SBK1: variants seen among roughly 807,000 people sequenced by gnomAD.
SBK1 encodes the protein SH3 domain binding kinase 1, also known as serine/threonine-protein kinase SBK1.
SBK1 carries 11 observed loss-of-function variants against 24.4 expected under a neutral mutation model. The observed-to-expected ratio is 0.45, with a 90% CI of 0.28 to 0.75. The LOEUF (loss-of-function observed/expected upper bound fraction) is 0.75. SBK1 is among the 30% of genes least tolerant of loss of function. SBK1 has a pLI of 0.12. For synonymous variants in SBK1, 308 were observed against 284.4 expected (o/e 1.08, Z -0.83); for missense variants, 467 against 620.5 (o/e 0.75, Z 2.63).
intron 1 of SBK1, among the ~76,000 whole-genome samples, chr16:28,313,967 C>A (rs2141588806): frequency 7.2e-6 from 1 of 138,054 alleles, no homozygotes; most frequent in Non-Finnish European, 1.6e-5. Flanking sequence ...ACCCGCCCGC[C>A]CACCCTTGCT....
chr16:28,312,750 A>C (rs1057478828), intron 1 of SBK1, among the ~76,000 whole-genome samples: 3 of 152,252 alleles, frequency 2.0e-5, no homozygotes, highest in Admixed American at 2.0e-4. Context: ...CTGTAATCCC[A>C]GCACTTTGGG....
chr16:28,311,718 A>C (rs1287056569), intron 1 of SBK1, among the ~76,000 whole-genome samples: 1 of 152,110 alleles, frequency 6.6e-6, no homozygotes, highest in Non-Finnish European at 1.5e-5. Flanking sequence ...AAAAGAATTA[A>C]AGTAAATAAG....
Position 28,293,218 on chromosome 16 carries a change from C to G in SBK1, c.-90C>G. 1.0e-6 allele frequency: 1 copy of G among 985,450 alleles called. No individual in the cohort carries two copies. The highest frequency in any genetic ancestry group is 1.2e-6 in the Non-Finnish European group (1 of 829,942). The allele number at this position is 985,450 out of a possible 1,614,324, so 61.0% of individuals were successfully genotyped here. ...TGCACCCCGGTCCATGGTCGTGGCG[C>G]CCTGAGCCCCCGGGGCCGGGCAGAC... On this transcript the variant is annotated 5_prime_UTR_variant, in exon 1 of 4. Coordinates refer to ENST00000341901, the MANE Select transcript of SBK1 (RefSeq NM_001024401.3).
chr16:28,283,319 G>C (rs909444472), intron 1 of SBK1, among the ~76,000 whole-genome samples: 1 of 152,162 alleles, frequency 6.6e-6, no homozygotes, highest in Non-Finnish European at 1.5e-5. Context: ...AAAAGGACTT[G>C]AGTGGGTCAT....
chr16:28,310,679 A>C (rs189973092), intron 1 of SBK1, among the ~76,000 whole-genome samples: 1 of 151,382 alleles, frequency 6.6e-6, no homozygotes, highest in East Asian at 1.9e-4. Flanking sequence ...CCCTGTCTCT[A>C]TTTTTTTTTA....
Position 28,320,484 on chromosome 16 carries a change from C to A in SBK1, c.838C>A (p.Gln280Lys). 1 of 1,573,708 alleles carries A rather than the reference C, an allele frequency of 6.4e-7. No individual in the cohort carries two copies. The highest frequency in any genetic ancestry group is 8.6e-7 in the Non-Finnish European group (1 of 1,166,660). The change falls in exon 4 of 4, where the codon CAG (glutamine) becomes AAG (lysine). Residue 280 changes from glutamine to lysine, a missense_variant. By Grantham distance (53) the Gln-to-Lys change is moderately conservative. Transcript: ENST00000341901. This position sits in a 1 kb window ranked among gnomAD's most constrained non-coding sequence, Gnocchi z 8.5. ...GGGCCGCCTGCCGGGGCTGCCTTCGCAGTGGCGCCGCTTCACCGAGCCCGC... is the reference window on the plus strand; with the variant it reads ...GGGCCGCCTGCCGGGGCTGCCTTCGAAGTGGCGCCGCTTCACCGAGCCCGC... The part of the protein sequence containing the change: ...QRGRLPGLPS[Q>K]WRRFTEPALR...
At position 28,321,070 on chromosome 16, in the gene SBK1, C is replaced by G. The variant is rs1017688770; in HGVS notation, c.*149C>G. ...GACGCGGCCCGGCACCTGGTCCGTC[C>G]CCGGCGGGCTGGTGAGGGGGCCACC... On this transcript the variant is annotated 3_prime_UTR_variant, in exon 4 of 4. Transcript: ENST00000341901. The G allele has an allele frequency of 8.1e-6, 6 of 740,412 alleles. No individual in the cohort carries two copies. In the South Asian group the frequency reaches 1.6e-4, roughly 20 times the overall value. 45.9% of individuals were successfully genotyped at this position (740,412 alleles called of 1,614,324 possible). A position where few individuals can be genotyped will look rare whatever the true frequency, so the allele number is the denominator to read the frequency against.
chr16:28,280,149 A>ATATATATGTGTGTGTGTGTGTG (rs1230385223), intron 1 of SBK1, among the ~76,000 whole-genome samples: 7 of 39,404 alleles, frequency 1.8e-4, no homozygotes, highest in South Asian at 8.4e-4. Flanking sequence ...ATATATATAT[A>ATATATATGTGTGTGTGTGTGTG]TGTGTGTGTG....
In SBK1 at chr16:28,320,247, G is replaced by A. The variant is rs1322454228; in HGVS notation, c.601G>A (p.Val201Met). 6.3e-7 allele frequency: 1 copy of A among 1,591,520 alleles called. No homozygotes were observed. Among genetic ancestry groups the A allele is most frequent in the Non-Finnish European group, 8.5e-7 (1 of 1,174,392 alleles). The change falls in exon 4 of 4, where the codon GTG becomes ATG. Residue 201 changes from valine (V) to methionine (M), a missense_variant. This residue lies in a region of SBK1 where 92 missense variants were observed against 193.8 expected (regional missense o/e 0.47). Coordinates refer to ENST00000341901, the MANE Select transcript of SBK1 (RefSeq NM_001024401.3). This position sits in a 1 kb window ranked among gnomAD's most constrained non-coding sequence, Gnocchi z 8.5. ...GGCCGACTTCGGCATGACGCGCCGC[G>A]TGGGCTGCCGCGTCAAGCGCGTGAG... ...KLADFGMTRRVGCRVKRVSGT... is the reference protein window; with the variant it reads ...KLADFGMTRRMGCRVKRVSGT...
At chr16:28,268,423 G>T (rs1438406508) in intron 1 of SBK1, among the ~76,000 whole-genome samples, 36 of 139,934 alleles carry the variant, frequency 2.6e-4, no homozygotes, top group Admixed American at 1.1e-3. Flanking sequence ...TTAAAAATGG[G>T]TTTTTTTTTT....
At chr16:28,301,451 G>A (rs1394561574) in intron 1 of SBK1, among the ~76,000 whole-genome samples, 1 of 152,190 alleles carries the variant, frequency 6.6e-6, no homozygotes, top group Non-Finnish European at 1.5e-5. Flanking sequence ...AGCCAAATAG[G>A]AGTTCACAGC....
chr16:28,266,731 TTC>T (rs1223167537), intron 1 of SBK1, among the ~76,000 whole-genome samples: 3 of 126,058 alleles, frequency 2.4e-5, no homozygotes, highest in African/African-American at 1.0e-4. Context: ...CTTTTTTCTT[TTC>T]TTTTTTTTTT....
intron 1 of SBK1, among the ~76,000 whole-genome samples, chr16:28,313,427 T>C (rs1337343321): frequency 6.6e-6 from 1 of 151,566 alleles, no homozygotes; most frequent in Admixed American, 6.6e-5. Context: ...TGAAACCCCA[T>C]CTCTACAAAA....
rs540426434 is a variant in SBK1 at position 28,295,343 on chromosome 16, CA to C, written c.-8+2044del. Among the ~76,000 whole-genome samples, 6 of 152,306 alleles carry C rather than the reference CA, an allele frequency of 3.9e-5. No individual in the cohort carries two copies. In the East Asian group the frequency reaches 1.2e-3, roughly 29 times the overall value. ...GTGTCCTCTAATTCTCTGCCTCCGT[CA>C]CGTGCTCTTCCCCTGACCTGAAAAG... On this transcript the variant is annotated intron_variant, in intron 1 of 3. Coordinates refer to ENST00000341901, the MANE Select transcript of SBK1 (RefSeq NM_001024401.3).
rs1246632120 is a variant in SBK1, at chr16:28,321,583, T to A, written c.*662T>A. 1 of 152,782 alleles carries A rather than the reference T, an allele frequency of 6.5e-6. No individual in the cohort carries two copies. Among genetic ancestry groups the A allele is most frequent in the Admixed American group, 6.6e-5 (1 of 15,260 alleles). 9.5% of individuals were successfully genotyped at this position (152,782 alleles called of 1,614,324 possible). ...TCTGGATGTCGCATAAGTGCGTGTATGTGCGGGACAGGCCCCGAGAAGCTA... is the reference window on the plus strand; with the variant it reads ...TCTGGATGTCGCATAAGTGCGTGTAAGTGCGGGACAGGCCCCGAGAAGCTA... On this transcript the variant is annotated 3_prime_UTR_variant, in exon 4 of 4. Coordinates refer to ENST00000341901, the MANE Select transcript of SBK1 (RefSeq NM_001024401.3).
upstream of SBK1, among the ~76,000 whole-genome samples, chr16:28,289,452 CA>C (rs1359859661): frequency 2.6e-5 from 4 of 152,152 alleles, no homozygotes; most frequent in African/African-American, 9.7e-5. Context: ...ACCGAGTAGA[CA>C]AAGGCGTGGA....
At chr16:28,271,159 G>A (rs930898150) in intron 1 of SBK1, among the ~76,000 whole-genome samples, 10 of 151,362 alleles carry the variant, frequency 6.6e-5, no homozygotes, top group South Asian at 4.3e-4. Context: ...CACTGCACCC[G>A]GCCTACGCAC....
intron 1 of SBK1, among the ~76,000 whole-genome samples, chr16:28,309,106 G>A (rs1274006473): frequency 6.6e-6 from 1 of 152,166 alleles, no homozygotes; most frequent in Non-Finnish European, 1.5e-5. Context: ...ACAGCAGGAG[G>A]CTTTCCACAC....
chr16:28,270,922 A>G (rs2044461281), intron 1 of SBK1, among the ~76,000 whole-genome samples: 1 of 151,902 alleles, frequency 6.6e-6, no homozygotes, highest in African/African-American at 2.4e-5. Context: ...GGAGTGCAAC[A>G]GCGTGCTCTC....
Sources: allele counts gnomAD v4.1 joint callset (sites outside exome capture counted in the v4.1 genomes callset), GRCh38; gene constraint gnomAD v4.1.1; regional missense constraint gnomAD v4.1.1; non-coding constraint Gnocchi (gnomAD v3.1); transcripts MANE v1.5; gene names NCBI Gene and HGNC (gene_info 2026-07-23, HGNC 2026-07-21).